UIMC1: variants seen among roughly 807,000 people sequenced by gnomAD.
UIMC1 encodes the protein BRCA1-A complex subunit RAP80.
A neutral mutation model predicts 84.9 loss-of-function variants in UIMC1; 42 were observed. The ratio of observed to expected loss-of-function variants is 0.49; its 90% confidence interval spans 0.39 to 0.64. The LOEUF is 0.64. Among genes scored for constraint, UIMC1 ranks in the 30% least tolerant of loss-of-function variants. The pLI is 0.00. For missense variants in UIMC1, 825 were observed against 847.6 expected (o/e 0.97, Z 0.33); for synonymous variants, 281 against 293.0 (o/e 0.96, Z 0.42).
intron 10 of UIMC1, among the ~76,000 whole-genome samples, chr5:176,932,510 T>TAGATAGAC (rs773416612): frequency 3.1e-4 from 47 of 151,004 alleles, no homozygotes; most frequent in Non-Finnish European, 5.8e-4. Flanking sequence ...CAGATATAGA[T>TAGATAGAC]AGATAGACAG....
At chr5:177,003,437 G>A (rs1214350568) in intron 1 of UIMC1, among the ~76,000 whole-genome samples, 1 of 152,114 alleles carries the variant, frequency 6.6e-6, no homozygotes, top group Non-Finnish European at 1.5e-5. Flanking sequence ...GGCAGATCAC[G>A]AGGACAGGAG....
rs919616861 is a variant in UIMC1, at chr5:176,944,477, T to C, written c.1444-989A>G. ...GCACTGCAGCACTACTGCCTAACAC[T>C]TGCTTCAAAGGACAGCATGTCCTAT... On this transcript the variant is annotated intron_variant, in intron 9 of 14. Transcript: ENST00000511320. Among the ~76,000 whole-genome samples the C allele has an allele frequency of 6.1e-4, 93 of 152,342 alleles. 1 individual carries two copies. The highest frequency in any genetic ancestry group is 2.2e-4 in the Non-Finnish European group (15 of 68,032).
chr5:176,971,692 T>G (rs971841531), intron 3 of UIMC1, among the ~76,000 whole-genome samples: 1 of 151,032 alleles, frequency 6.6e-6, no homozygotes, highest in Non-Finnish European at 1.5e-5. Context: ...GAGGATCATG[T>G]GAGGTCAGGA....
rs941289408 is a variant in UIMC1, at chr5:176,959,122, G to A, written c.1201-968C>T. 1.5e-4 allele frequency among the ~76,000 whole-genome samples: 23 copies of A among 152,102 alleles called. 1 individual carries two copies. Among genetic ancestry groups the A allele is most frequent in the African/African-American group, 4.8e-4 (20 of 41,394 alleles). The stretch of plus-strand genomic sequence containing the variant: ...CAAAAGGAAAGTTGTACAATAATAG[G>A]GAATATAGTCATTATGAAAAACAAG... On this transcript the variant is annotated intron_variant, in intron 6 of 14. Transcript: ENST00000511320.
intron 6 of UIMC1, among the ~76,000 whole-genome samples, chr5:176,963,763 C>T (rs182698799): frequency 0.011 from 1,630 of 152,068 alleles, 10 homozygotes; most frequent in South Asian, 0.025. Context: ...AATAAATAAA[C>T]TGTCATTTTG....
At chr5:176,927,930 C>A (rs1489503297) in intron 10 of UIMC1, among the ~76,000 whole-genome samples, 1 of 150,816 alleles carries the variant, frequency 6.6e-6, no homozygotes, top group Non-Finnish European at 1.5e-5. Context: ...CAGCTCACTG[C>A]AACCTCTGAC....
rs763618470 is a variant in UIMC1 at position 176,975,498 on chromosome 5, A to G, written c.148-18T>C. The G allele has an allele frequency of 1.2e-6, 2 of 1,613,464 alleles. No homozygotes were observed. Among genetic ancestry groups the G allele is most frequent in the Non-Finnish European group, 1.7e-6 (2 of 1,179,558 alleles). ...TTTGGTTCCTGTTGCAAAACAAGAA[A>G]TATCATCAGTGTGGCTGCCACTAAA... On this transcript the variant is annotated intron_variant, in intron 2 of 14. Coordinates refer to ENST00000511320, the MANE Select transcript of UIMC1 (RefSeq NM_001199298.2).
intron 9 of UIMC1, among the ~76,000 whole-genome samples, chr5:176,944,424 G>A (rs1295446813): frequency 6.6e-6 from 1 of 152,192 alleles, no homozygotes; most frequent in Admixed American, 6.5e-5. Context: ...CAAGAACTCT[G>A]CAGTGATTAA....
At chr5:176,909,353 T>TG (rs975071828) in intron 11 of UIMC1, among the ~76,000 whole-genome samples, 4 of 152,214 alleles carry the variant, frequency 2.6e-5, no homozygotes, top group African/African-American at 7.2e-5. Flanking sequence ...ATGGAATCAC[T>TG]GGGGGTAAAA....
intron 10 of UIMC1, among the ~76,000 whole-genome samples, chr5:176,914,064 T>G (rs763165091): frequency 8.2e-6 from 1 of 122,590 alleles, no homozygotes; most frequent in African/African-American, 5.1e-5. Flanking sequence ...TACCATACCA[T>G]ACCATACCAC....
At position 176,942,509 on chromosome 5, in the gene UIMC1, G is replaced by A. The variant is rs367646448; in HGVS notation, c.1597+826C>T. Among the ~76,000 whole-genome samples the A allele has an allele frequency of 3.3e-5, 5 of 150,716 alleles. 1 individual carries two copies. The highest frequency in any genetic ancestry group is 2.1e-4 in the South Asian group (1 of 4,752). On this transcript the variant is annotated intron_variant, in intron 10 of 14. Transcript: ENST00000511320. Reference sequence around the variant, plus strand: ...TGTAATCCCAACACTTTGGGAGGCCGAGGCAGGTGGATCACGAGGTCAGGA... The same window carrying A: ...TGTAATCCCAACACTTTGGGAGGCCAAGGCAGGTGGATCACGAGGTCAGGA...
At chr5:176,988,212 C>T (rs765241178) in intron 1 of UIMC1, among the ~76,000 whole-genome samples, 11 of 150,506 alleles carry the variant, frequency 7.3e-5, no homozygotes, top group Non-Finnish European at 1.5e-4. Context: ...TCACTTTATA[C>T]CCACTCTGAT....
chr5:176,910,199 A>G (rs558203521), intron 11 of UIMC1, among the ~76,000 whole-genome samples: 29 of 152,384 alleles, frequency 1.9e-4, no homozygotes, highest in Non-Finnish European at 3.5e-4. Context: ...CATTACAGTA[A>G]GATTCCAAAG....
intron 10 of UIMC1, among the ~76,000 whole-genome samples, chr5:176,927,206 G>GAAAAAAAAA (rs1220549611): frequency 2.2e-5 from 1 of 44,624 alleles, no homozygotes; most frequent in Non-Finnish European, 4.6e-5. Flanking sequence ...CTTTAAAAAA[G>GAAAAAAAAA]AAAAAAAAAA....
intron 10 of UIMC1, among the ~76,000 whole-genome samples, chr5:176,941,621 C>G (rs1026561723): frequency 6.6e-6 from 1 of 151,996 alleles, no homozygotes; most frequent in Non-Finnish European, 1.5e-5. Flanking sequence ...TTAAATACAC[C>G]TAAGTTACAG....
chr5:176,991,045 T>C (rs1772763897), intron 1 of UIMC1, among the ~76,000 whole-genome samples: 1 of 152,006 alleles, frequency 6.6e-6, no homozygotes, highest in Non-Finnish European at 1.5e-5. Flanking sequence ...TCTCGCTCTT[T>C]CGCCCAGGCC....
chr5:176,984,765 T>C (rs947632820), intron 1 of UIMC1, among the ~76,000 whole-genome samples: 2 of 152,218 alleles, frequency 1.3e-5, no homozygotes, highest in Non-Finnish European at 2.9e-5. Context: ...TCTTCTGCCT[T>C]GGGATGCTGT....
chr5:176,952,998 T>C (rs1766086975), intron 8 of UIMC1, among the ~76,000 whole-genome samples: 1 of 152,150 alleles, frequency 6.6e-6, no homozygotes, highest in Non-Finnish European at 1.5e-5. Flanking sequence ...AAATGTGACC[T>C]TTGGAAGGTA....
chr5:176,981,811 A>C (rs1227061489), intron 2 of UIMC1, among the ~76,000 whole-genome samples: 4 of 152,056 alleles, frequency 2.6e-5, no homozygotes, highest in Non-Finnish European at 5.9e-5. Flanking sequence ...TATATAGGAG[A>C]AAGAGAAGAA....
Sources: allele counts gnomAD v4.1 joint callset (sites outside exome capture counted in the v4.1 genomes callset), GRCh38; gene constraint gnomAD v4.1.1; transcripts MANE v1.5; gene names NCBI Gene and HGNC (gene_info 2026-07-23, HGNC 2026-07-21).